The following UNC79 variants were observed in gnomAD, a reference collection of about 807,000 sequenced individuals.
UNC79 encodes unc-79 subunit of NALCN channel complex, also known as protein unc-79 homolog.
UNC79 carries 37 observed loss-of-function variants against 283.1 expected under a neutral mutation model. That is an observed-to-expected ratio of 0.13 (90% CI 0.10 to 0.17). UNC79 has a LOEUF of 0.17. Ranked by LOEUF, UNC79 falls within the 10% of genes least tolerant of loss-of-function variation. The pLI is 1.00. For missense variants in UNC79, 2,272 were observed against 3,211.1 expected (o/e 0.71, Z 7.07); for synonymous variants, 1,107 against 1,200.2 (o/e 0.92, Z 1.61).
At chr14:93,401,474 G>T (rs2055106481) in intron 1 of UNC79, among the ~76,000 whole-genome samples, 1 of 152,108 alleles carries the variant, frequency 6.6e-6, no homozygotes, top group Non-Finnish European at 1.5e-5. Context: ...TTATGAGTAG[G>T]GTTGATGCCA....
chr14:93,643,943 C>T (rs2069319559), intron 34 of UNC79, among the ~76,000 whole-genome samples: 1 of 152,236 alleles, frequency 6.6e-6, no homozygotes, highest in Non-Finnish European at 1.5e-5. Flanking sequence ...GGAAACCCCA[C>T]TGTTTGTTAC....
intron 1 of UNC79, among the ~76,000 whole-genome samples, chr14:93,460,506 CAAAAA>C (rs33915324): frequency 1.1e-4 from 11 of 103,280 alleles, no homozygotes; most frequent in African/African-American, 2.8e-4. Context: ...CAAGACTTCT[CAAAAA>C]AAAAAAAAAA....
rs1238505885 is a variant in UNC79, at chr14:93,622,273, C to T, written c.5040C>T (p.Ser1680=). 5 of 1,614,186 alleles carry T rather than the reference C, an allele frequency of 3.1e-6. 1 individual carries two copies. The South Asian group carries it at 5.5e-5, about 18-fold the overall frequency. ...GCCATCCCTCCGTCCTCAGCCTGAG[C>T]ACAGCTCCGCTTGTACAAGTAAGTG... is the stretch of plus-strand genomic sequence containing the variant. The change falls in exon 30 of 49, where the codon AGC becomes AGT. Residue 1680 remains serine, a synonymous_variant. Coordinates refer to ENST00000555664, the Ensembl canonical transcript of UNC79.
intron 14 of UNC79, among the ~76,000 whole-genome samples, chr14:93,570,643 C>T (rs1422650098): frequency 1.3e-5 from 2 of 152,086 alleles, no homozygotes; most frequent in Non-Finnish European, 2.9e-5. Flanking sequence ...ATTAAGGGAG[C>T]GTTTTAGGCT....
intron 15 of UNC79, among the ~76,000 whole-genome samples, chr14:93,572,433 A>G (rs567256687): frequency 1.3e-5 from 2 of 152,366 alleles, no homozygotes; most frequent in African/African-American, 4.8e-5. Context: ...TGCCTTAGAA[A>G]TGCAATTCCT....
intron 23 of UNC79, 149 bp downstream of exon 23, chr14:93,593,986 G>T: frequency 1.1e-6 from 1 of 913,982 alleles, no homozygotes. Flanking sequence ...TCTGCTTTGA[G>T]CTTCCTCTCT....
intron 1 of UNC79, among the ~76,000 whole-genome samples, chr14:93,407,027 G>A (rs2055240680): frequency 6.6e-6 from 1 of 151,998 alleles, no homozygotes; most frequent in Non-Finnish European, 1.5e-5. Context: ...GTATTCCTTG[G>A]TTTGTAGCTG....
At position 93,533,564 on chromosome 14, in the gene UNC79, T is replaced by C. The variant is rs947212465; in HGVS notation, c.1122+986T>C. 3.3e-5 allele frequency among the ~76,000 whole-genome samples: 5 copies of C among 152,272 alleles called. No homozygotes were observed. The East Asian group carries it at 9.7e-4, about 29-fold the overall frequency. Reference sequence around the variant, plus strand: ...GGAATGGTGAGATGGGTGGGGTGTCTGGGCCTCTCTTTCCACATGATGTCT... The same window carrying C: ...GGAATGGTGAGATGGGTGGGGTGTCCGGGCCTCTCTTTCCACATGATGTCT... On this transcript the variant is annotated intron_variant, in intron 11 of 48. Coordinates refer to ENST00000555664, the Ensembl canonical transcript of UNC79.
At chr14:93,706,080 C>T (rs1271899817) in intron 48 of UNC79, among the ~76,000 whole-genome samples, 1 of 152,186 alleles carries the variant, frequency 6.6e-6, no homozygotes, top group Non-Finnish European at 1.5e-5. Flanking sequence ...CCTTTCCCGG[C>T]TTTATGGCAA....
intron 46 of UNC79, among the ~76,000 whole-genome samples, chr14:93,692,257 G>A (rs967293261): frequency 6.6e-6 from 1 of 152,018 alleles, no homozygotes; most frequent in African/African-American, 2.4e-5. Context: ...TAAAAAATAA[G>A]TACGTAAGGC....
chr14:93,616,733 G>C (rs1317299482), intron 27 of UNC79, among the ~76,000 whole-genome samples: 1 of 151,978 alleles, frequency 6.6e-6, no homozygotes, highest in Non-Finnish European at 1.5e-5. Flanking sequence ...AGTTTGGTTG[G>C]TATAATACTT....
At chr14:93,519,451 A>C (rs1167660520) in intron 7 of UNC79, among the ~76,000 whole-genome samples, 1 of 151,838 alleles carries the variant, frequency 6.6e-6, no homozygotes, top group African/African-American at 2.4e-5. Flanking sequence ...GGGTTTTAAA[A>C]AACTCAAATC....
chr14:93,585,644 A>G (rs1341553624), intron 20 of UNC79, among the ~76,000 whole-genome samples: 2 of 152,152 alleles, frequency 1.3e-5, no homozygotes, highest in East Asian at 3.9e-4. Flanking sequence ...CACATTCTGC[A>G]CTAGTTTCTG....
At chr14:93,480,295 C>T (rs7152996) in intron 4 of UNC79, among the ~76,000 whole-genome samples, 4,483 of 152,138 alleles carry the variant, frequency 0.029, 233 homozygotes, top group African/African-American at 0.1. Flanking sequence ...CTTCATGTTC[C>T]CAAGGTCCCA....
intron 1 of UNC79, among the ~76,000 whole-genome samples, chr14:93,362,830 T>C (rs554380965): frequency 1.3e-5 from 2 of 152,260 alleles, no homozygotes; most frequent in Admixed American, 6.5e-5. Context: ...TTGGTGGTGG[T>C]GTCCCTTTTG....
intron 26 of UNC79, among the ~76,000 whole-genome samples, chr14:93,607,210 T>C (rs767606414): frequency 4.6e-5 from 7 of 152,240 alleles, no homozygotes; most frequent in Admixed American, 1.3e-4. Flanking sequence ...GCAGTTATTA[T>C]GTTATATAAG....
Position 93,438,398 on chromosome 14 carries a change from A to C in UNC79, c.22+7347A>C, listed in dbSNP as rs752451761. Among the ~76,000 whole-genome samples, 4 of 152,296 alleles carry C rather than the reference A, an allele frequency of 2.6e-5. No homozygotes were observed. The East Asian group carries it at 7.7e-4, about 29-fold the overall frequency. ...AGCTTACAGTTGACTCTCCAAGTGCATCCTACTTTGCTGAGATGTATACAC... is the reference window on the plus strand; with the variant it reads ...AGCTTACAGTTGACTCTCCAAGTGCCTCCTACTTTGCTGAGATGTATACAC... On this transcript the variant is annotated intron_variant, in intron 1 of 48. Transcript: ENST00000555664.
intron 40 of UNC79, among the ~76,000 whole-genome samples, chr14:93,668,019 G>A (rs2072406151): frequency 6.6e-6 from 1 of 152,064 alleles, no homozygotes; most frequent in Non-Finnish European, 1.5e-5. Flanking sequence ...TTCATATAGT[G>A]GGTCTACCAG....
chr14:93,495,366 C>A (rs1488675989), intron 5 of UNC79, among the ~76,000 whole-genome samples: 1 of 152,170 alleles, frequency 6.6e-6, no homozygotes, highest in African/African-American at 2.4e-5. Context: ...ACCATCAGAT[C>A]TCGGGAGAAC....
Sources: gnomAD v4.1 joint callset for allele counts (sites outside exome capture counted in the v4.1 genomes callset) on GRCh38, gnomAD v4.1.1 for gene constraint, MANE v1.5 for transcripts, NCBI Gene and HGNC (gene_info 2026-07-23, HGNC 2026-07-21) for gene names.